Variants in MTTP observed in about 807,000 individuals in gnomAD.
MTTP encodes microsomal triglyceride transfer protein, also known as microsomal triglyceride transfer protein large subunit.
In MTTP, 49 loss-of-function variants were observed where a neutral mutation model predicts 90.6. That is an observed-to-expected ratio of 0.54 (90% CI 0.43 to 0.69). The LOEUF (loss-of-function observed/expected upper bound fraction) is 0.69, where lower values mean the gene tolerates loss of function less well. Ranked by LOEUF, MTTP falls within the 30% of genes least tolerant of loss-of-function variation. The probability of loss-of-function intolerance (pLI) is 0.00; values close to 1 mark genes in which losing one functional copy is unlikely to be tolerated. For missense variants in MTTP, 945 were observed against 1,067.5 expected (o/e 0.89, Z 1.60); for synonymous variants, 347 against 384.2 (o/e 0.90, Z 1.13).
intron 6 of MTTP, 47 bp from the exon 7 acceptor site, chr4:99,594,686 C>T: frequency 6.2e-7 from 1 of 1,606,418 alleles, no homozygotes; most frequent in Non-Finnish European, 8.5e-7. Flanking sequence ...ATCTTGTTCA[C>T]TCAAAAGAAT....
chr4:99,613,279 G>A, intron 15 of MTTP, 139 bp downstream of exon 15: 2 of 730,916 alleles, frequency 2.7e-6, no homozygotes, highest in South Asian at 1.5e-5. Context: ...GGCCCTCTTG[G>A]TATTGGTCCC....
chr4:99,569,345 GT>G (rs1223571331), intron 1 of MTTP, among the ~76,000 whole-genome samples: 1 of 151,918 alleles, frequency 6.6e-6, no homozygotes, highest in Non-Finnish European at 1.5e-5. Flanking sequence ...AGAACTAAAT[GT>G]AATGTACCCT....
chr4:99,619,718 AAC>A (rs574978338), intron 16 of MTTP, among the ~76,000 whole-genome samples: 27 of 152,356 alleles, frequency 1.8e-4, no homozygotes, highest in African/African-American at 4.6e-4. Flanking sequence ...GATATTTAAA[AAC>A]ACATTCAGGC....
chr4:99,619,152 G>T (rs1218236348), intron 16 of MTTP, 54 bp downstream of exon 16: 8 of 1,487,062 alleles, frequency 5.4e-6, no homozygotes, highest in Non-Finnish European at 1.9e-6. Context: ...TATATACAGA[G>T]AACTTCCGAA....
At chr4:99,580,960 A>T (rs1326472029) in intron 1 of MTTP, among the ~76,000 whole-genome samples, 1 of 152,124 alleles carries the variant, frequency 6.6e-6, no homozygotes, top group Non-Finnish European at 1.5e-5. Flanking sequence ...CCATATGTAT[A>T]TTTCCTGAGA....
At position 99,611,456 on chromosome 4, in the gene MTTP, A is replaced by G. The variant is rs765577951; in HGVS notation, c.1989+3A>G. On this transcript the variant is annotated splice_donor_region_variant and intron_variant, in intron 14 of 17. Coordinates refer to ENST00000265517, the MANE Select transcript of MTTP (RefSeq NM_001386140.1). ...AGGCTGGTCTTCACGGTAGCCAGGT[A>G]ACTCACTTCTCATGGATTTTGCTTA... 6.2e-7 allele frequency: 1 copy of G among 1,614,022 alleles called. No homozygotes were observed. The highest frequency in any genetic ancestry group is 8.5e-7 in the Non-Finnish European group (1 of 1,179,910).
chr4:99,620,844 C>T, intron 16 of MTTP: 1 of 572,224 alleles, frequency 1.7e-6, no homozygotes, highest in Non-Finnish European at 3.1e-6. Context: ...GGGGAGAGCT[C>T]AGGGGAAGGG....
intron 15 of MTTP, among the ~76,000 whole-genome samples, chr4:99,616,673 G>C (rs2110235580): frequency 6.6e-6 from 1 of 152,204 alleles, no homozygotes; most frequent in East Asian, 1.9e-4. Context: ...AGAGTGCTTT[G>C]TTTTTCTACA....
At chr4:99,609,984 A>C (rs77000207) in intron 12 of MTTP, among the ~76,000 whole-genome samples, 2,363 of 152,156 alleles carry the variant, frequency 0.016, 20 homozygotes, top group Admixed American at 0.024. Flanking sequence ...GAAAGAGGAG[A>C]CAGTGGGGTA....
chr4:99,605,841 A>G (rs1437216648), intron 10 of MTTP, among the ~76,000 whole-genome samples: 1 of 145,436 alleles, frequency 6.9e-6, no homozygotes, highest in Non-Finnish European at 1.5e-5. Flanking sequence ...ACTCTTCCCC[A>G]TATCATCCAT....
chr4:99,601,561 T>A, intron 9 of MTTP, 46 bp from the exon 10 acceptor site: 2 of 1,307,610 alleles, frequency 1.5e-6, no homozygotes, highest in Non-Finnish European at 2.2e-6. Flanking sequence ...TCCTTGGAAA[T>A]ATTTAAATGT....
At chr4:99,616,468 A>C (rs527655790) in intron 15 of MTTP, among the ~76,000 whole-genome samples, 14 of 152,268 alleles carry the variant, frequency 9.2e-5, no homozygotes, top group African/African-American at 2.9e-4. Flanking sequence ...CTTCATGTGT[A>C]GCCTCTGAGC....
intron 4 of MTTP, 56 bp from the exon 5 acceptor site, chr4:99,591,179 G>A (rs1176031525): frequency 3.8e-6 from 5 of 1,303,470 alleles, no homozygotes; most frequent in Admixed American, 3.4e-5. Context: ...CTTCTCACTA[G>A]AATTCAAATG....
At chr4:99,613,239 C>A in intron 15 of MTTP, 99 bp downstream of exon 15, 1 of 1,102,562 alleles carries the variant, frequency 9.1e-7, no homozygotes, top group Non-Finnish European at 1.3e-6. Flanking sequence ...CAAAATTGTG[C>A]CCATCTTGGA....
chr4:99,611,534 G>A, intron 14 of MTTP, 81 bp downstream of exon 14: 1 of 1,538,598 alleles, frequency 6.5e-7, no homozygotes, highest in Admixed American at 1.7e-5. Flanking sequence ...TATGCTGTGG[G>A]TAATGCTATA....
At chr4:99,597,274 ATTG>A (rs754951659) in intron 8 of MTTP, 50 bp downstream of exon 8, 1 of 1,602,500 alleles carries the variant, frequency 6.2e-7, no homozygotes, top group Non-Finnish European at 8.5e-7. Context: ...ACATTTCTGG[ATTG>A]TTGGTTTTTT....
intron 4 of MTTP, 111 bp downstream of exon 4, chr4:99,589,861 A>T: frequency 1.3e-6 from 1 of 781,706 alleles, no homozygotes; most frequent in Non-Finnish European, 2.2e-6. Context: ...AGAAAAGGTG[A>T]CTTGTGTAGT....
chr4:99,611,038 T>A, intron 12 of MTTP, 105 bp from the exon 13 acceptor site: 2 of 1,227,806 alleles, frequency 1.6e-6, no homozygotes, highest in Non-Finnish European at 1.2e-6. Context: ...ATGAGGAAAA[T>A]TTGGCTTCCT....
intron 1 of MTTP, among the ~76,000 whole-genome samples, chr4:99,579,831 A>G (rs1015011289): frequency 6.6e-6 from 1 of 151,930 alleles, no homozygotes; most frequent in East Asian, 1.9e-4. Context: ...TGAGCTCAGG[A>G]GTTCAGGACC....
Sources: gnomAD v4.1 joint callset for allele counts (sites outside exome capture counted in the v4.1 genomes callset) on GRCh38, gnomAD v4.1.1 for gene constraint, MANE v1.5 for transcripts, NCBI Gene and HGNC (gene_info 2026-07-23, HGNC 2026-07-21) for gene names.